Variants in RNF214 observed in about 807,000 individuals in gnomAD.
RNF214 encodes the protein ring finger protein 214.
Under a neutral mutation model 75.9 loss-of-function variants are expected in RNF214, and 25 were observed. The ratio of observed to expected loss-of-function variants is 0.33; its 90% CI spans 0.24 to 0.46. The LOEUF is 0.46. Ranked by LOEUF, RNF214 falls within the 20% of genes least tolerant of loss-of-function variation. The pLI is 1.00. For missense variants in RNF214, 725 were observed against 857.5 expected, an observed-to-expected ratio of 0.85 and a Z score of 1.93; for synonymous variants, 314 against 308.8, an observed-to-expected ratio of 1.02 and a Z score of -0.18.
chr11:117,280,381 G>A (rs912219134), intron 8 of RNF214, 122 bp downstream of exon 8: 1 of 721,628 alleles, frequency 1.4e-6, no homozygotes, highest in Non-Finnish European at 2.4e-6. Context: ...GAATTGTAAG[G>A]CTATCTCTGT....
At chr11:117,261,511 C>T (rs1222303445) in intron 6 of RNF214, among the ~76,000 whole-genome samples, 4 of 152,246 alleles carry the variant, frequency 2.6e-5, no homozygotes, top group East Asian at 1.9e-4. Flanking sequence ...ACCTGGAAGG[C>T]GAAGGTTGCA....
At chr11:117,239,296 T>C in intron 3 of RNF214, 185 bp downstream of exon 3, 1 of 611,708 alleles carries the variant, frequency 1.6e-6, no homozygotes, top group South Asian at 2.2e-5. Context: ...GTTCAGTAAA[T>C]AAGAAAGCCA....
intron 8 of RNF214, among the ~76,000 whole-genome samples, chr11:117,280,982 CTTTTTTT>C (rs57955215): frequency 2.2e-4 from 19 of 88,010 alleles, no homozygotes; most frequent in African/African-American, 8.3e-4. Flanking sequence ...AGGAATAGGG[CTTTTTTT>C]TTTTTTTTTT....
At chr11:117,233,820 C>A (rs536141) in intron 1 of RNF214, among the ~76,000 whole-genome samples, 88,226 of 152,078 alleles carry the variant, frequency 0.58, 27,906 homozygotes, top group African/African-American at 0.82. Flanking sequence ...CAAAAACTTC[C>A]CTTAAATTAA....
At chr11:117,269,679 G>A (rs1565343851) in intron 6 of RNF214, among the ~76,000 whole-genome samples, 2 of 152,198 alleles carry the variant, frequency 1.3e-5, no homozygotes, top group Non-Finnish European at 2.9e-5. Context: ...GCCTAACAAA[G>A]GTTGTCTTAT....
chr11:117,249,467 G>T (rs1413047220), intron 6 of RNF214, among the ~76,000 whole-genome samples: 1 of 152,076 alleles, frequency 6.6e-6, no homozygotes, highest in African/African-American at 2.4e-5. Flanking sequence ...TCAGTTTTCC[G>T]GAAGCAGGGG....
chr11:117,238,480 G>A (rs2032972484), intron 2 of RNF214, 121 bp from the exon 3 acceptor site: 5 of 869,616 alleles, frequency 5.7e-6, no homozygotes, highest in African/African-American at 5.0e-5. Context: ...AGAAATCATT[G>A]GATTGAAACT....
At chr11:117,251,454 CGGGGCGGCTGGCCGGGCGGGGGGCTG>C (rs2033387684) in intron 6 of RNF214, among the ~76,000 whole-genome samples, 4 of 122,580 alleles carry the variant, frequency 3.3e-5, no homozygotes, top group African/African-American at 1.3e-4. Flanking sequence ...CCCTCCCGGA[CGGGGCGGCTGGCCGGGCGGGGGGCTG>C]ACCCCCCCAC....
At chr11:117,253,387 G>A (rs1453627858) in intron 6 of RNF214, among the ~76,000 whole-genome samples, 1 of 152,148 alleles carries the variant, frequency 6.6e-6, no homozygotes, top group Non-Finnish European at 1.5e-5. Flanking sequence ...TTTTCTCCTG[G>A]ACACCTGGCT....
chr11:117,256,823 G>A (rs1202167770), intron 6 of RNF214, among the ~76,000 whole-genome samples: 1 of 152,130 alleles, frequency 6.6e-6, no homozygotes, highest in Non-Finnish European at 1.5e-5. Context: ...ATTGGGAGGG[G>A]CTCATCTTTG....
chr11:117,233,133 A>T (rs2032770632), intron 1 of RNF214, among the ~76,000 whole-genome samples: 1 of 151,410 alleles, frequency 6.6e-6, no homozygotes, highest in Non-Finnish European at 1.5e-5. Flanking sequence ...GGTACACTCG[A>T]CCCTCCAGCC....
In RNF214 at chr11:117,239,865, G is replaced by T; in HGVS notation, c.678+5G>T. 3.4e-6 allele frequency: 5 copies of T among 1,455,424 alleles called. No homozygotes were observed. The highest frequency in any genetic ancestry group is 3.9e-6 in the Non-Finnish European group (4 of 1,036,062). The allele number at this position is 1,455,424 out of a possible 1,614,324, so 90.2% of individuals were successfully genotyped here. A position where few individuals can be genotyped will look rare whatever the true frequency, so the allele number is the denominator to read the frequency against. On this transcript the variant is annotated splice_donor_5th_base_variant and intron_variant, in intron 4 of 14. Coordinates refer to ENST00000300650, the MANE Select transcript of RNF214 (RefSeq NM_207343.4). Reference sequence around the variant, plus strand: ...CAAGATATTGAAAAGAATTTGGTAAGTATTTAAACTGTCCTTGTTATATGA... The same window carrying T: ...CAAGATATTGAAAAGAATTTGGTAATTATTTAAACTGTCCTTGTTATATGA...
intron 6 of RNF214, among the ~76,000 whole-genome samples, chr11:117,274,541 T>A (rs2033975751): frequency 6.6e-6 from 1 of 151,602 alleles, no homozygotes; most frequent in South Asian, 2.1e-4. Flanking sequence ...TTTTTTTTTG[T>A]ATTTTTAGTA....
At chr11:117,273,727 G>A (rs2033955329) in intron 6 of RNF214, among the ~76,000 whole-genome samples, 1 of 152,120 alleles carries the variant, frequency 6.6e-6, no homozygotes, top group African/African-American at 2.4e-5. Flanking sequence ...TAAGTTTTAA[G>A]GGGATTGTGG....
chr11:117,255,864 A>G (rs1343188623), intron 6 of RNF214, among the ~76,000 whole-genome samples: 2 of 152,192 alleles, frequency 1.3e-5, no homozygotes, highest in African/African-American at 4.8e-5. Context: ...CATTGAAATC[A>G]TTCCAAGATA....
chr11:117,274,572 T>C (rs2033976667), intron 6 of RNF214, among the ~76,000 whole-genome samples: 1 of 151,758 alleles, frequency 6.6e-6, no homozygotes, highest in African/African-American at 2.4e-5. Context: ...TTCACCCTGT[T>C]GGGCCAGGCT....
chr11:117,268,685 C>G (rs1008708427), intron 6 of RNF214, among the ~76,000 whole-genome samples: 4 of 152,136 alleles, frequency 2.6e-5, no homozygotes, highest in Non-Finnish European at 5.9e-5. Context: ...TTTTTATTTT[C>G]ATATACATTT....
At position 117,281,653 on chromosome 11, in the gene RNF214, C is replaced by T. The variant is rs772261675; in HGVS notation, c.1290C>T (p.Ser430=). 30 of 1,613,704 alleles carry T rather than the reference C, an allele frequency of 1.9e-5. No individual in the cohort carries two copies. The highest frequency in any genetic ancestry group is 2.4e-5 in the Non-Finnish European group (28 of 1,179,850). ...QLVRNGAKLS[S]LPQIPTPTLP... ...TGAGGAACGGAGCCAAGCTGAGCAG[C>T]CTTCCTCAAATCCCTACTCCCACTT... is the stretch of plus-strand genomic sequence containing the variant. Residue 430 remains serine, a synonymous_variant, in exon 10 of 15, where the codon AGC becomes AGT. Transcript: ENST00000300650.
chr11:117,256,664 AG>A (rs202122122), intron 6 of RNF214, among the ~76,000 whole-genome samples: 4,362 of 152,308 alleles, frequency 0.029, 98 homozygotes, highest in Non-Finnish European at 0.043. Flanking sequence ...GTTCCAAAGC[AG>A]AAGCTGCCAG....
Sources: allele counts gnomAD v4.1 joint callset (sites outside exome capture counted in the v4.1 genomes callset), GRCh38; gene constraint gnomAD v4.1.1; transcripts MANE v1.5; gene names NCBI Gene and HGNC (gene_info 2026-07-23, HGNC 2026-07-21).